Variants in TMSB15B observed in about 807,000 individuals in gnomAD.
The protein encoded by TMSB15B is thymosin beta-15B.
At chrX:103,950,616 A>G (rs782191802) in intron 1 of TMSB15B, among the ~76,000 whole-genome samples, 1 of 108,571 alleles carries the variant, frequency 9.2e-6, no homozygotes, top group Admixed American at 9.9e-5. Context: ...AGAGAAAAAT[A>G]TATATATATA....
At chrX:103,941,911 T>C (rs1242413415) in intron 1 of TMSB15B, among the ~76,000 whole-genome samples, 4 of 111,632 alleles carry the variant, frequency 3.6e-5, no homozygotes, top group Admixed American at 9.5e-5. Context: ...TGAACGTTAG[T>C]ATTTCCTCTT....
chrX:103,951,517 T>C (rs1556328287), intron 1 of TMSB15B, among the ~76,000 whole-genome samples: 1 of 112,068 alleles, frequency 8.9e-6, no homozygotes. Flanking sequence ...GTAGCATGAT[T>C]GCCCAGCAGC....
At chrX:103,941,961 G>T (rs1556325355) in intron 1 of TMSB15B, among the ~76,000 whole-genome samples, 1 of 111,723 alleles carries the variant, frequency 9.0e-6, no homozygotes, top group Non-Finnish European at 1.9e-5. Context: ...ATTTTTTCCT[G>T]TTGAGTTGTG....
intron 1 of TMSB15B, among the ~76,000 whole-genome samples, chrX:103,944,966 C>T (rs1314770743): frequency 9.0e-6 from 1 of 111,374 alleles, no homozygotes; most frequent in East Asian, 2.8e-4. Flanking sequence ...TTAGTAAAAA[C>T]GAGGTTTCAC....
chrX:103,924,747 T>C (rs2074963391), intron 1 of TMSB15B, among the ~76,000 whole-genome samples: 1 of 111,632 alleles, frequency 9.0e-6, no homozygotes, highest in Non-Finnish European at 1.9e-5. Flanking sequence ...TCACACAGGC[T>C]ACCCATGTGG....
intron 1 of TMSB15B, among the ~76,000 whole-genome samples, chrX:103,954,871 C>T (rs1237459351): frequency 8.9e-6 from 1 of 111,815 alleles, no homozygotes; most frequent in African/African-American, 3.3e-5. Flanking sequence ...GTGGTGAATG[C>T]CCACAGGGAG....
At chrX:103,933,437 T>C (rs1280246818) in intron 1 of TMSB15B, among the ~76,000 whole-genome samples, 1 of 111,288 alleles carries the variant, frequency 9.0e-6, no homozygotes, top group African/African-American at 3.3e-5. Flanking sequence ...CTATCACCCA[T>C]GTAATAACTA....
intron 1 of TMSB15B, among the ~76,000 whole-genome samples, chrX:103,933,566 G>A (rs1173251663): frequency 9.0e-6 from 1 of 111,276 alleles, no homozygotes; most frequent in Non-Finnish European, 1.9e-5. Flanking sequence ...TCATTTCTTT[G>A]CTTTTGTTTA....
intron 1 of TMSB15B, among the ~76,000 whole-genome samples, chrX:103,944,682 C>A (rs2075020818): frequency 8.9e-6 from 1 of 112,315 alleles, no homozygotes; most frequent in Admixed American, 9.4e-5. Flanking sequence ...AGGCGCAACT[C>A]AAACAGTACT....
chrX:103,937,010 G>A, intron 1 of TMSB15B, among the ~76,000 whole-genome samples: 1 of 112,252 alleles, frequency 8.9e-6, no homozygotes, highest in Non-Finnish European at 1.9e-5. Context: ...TGCATCCCAG[G>A]GATGAAGCTG....
At chrX:103,933,868 G>T (rs1602437505) in intron 1 of TMSB15B, among the ~76,000 whole-genome samples, 1 of 96,390 alleles carries the variant, frequency 1.0e-5, no homozygotes, top group Non-Finnish European at 2.1e-5. Flanking sequence ...TCGTTTTATT[G>T]ATGCATAATA....
At chrX:103,952,567 A>C (rs2075041548) in intron 1 of TMSB15B, among the ~76,000 whole-genome samples, 2 of 111,349 alleles carry the variant, frequency 1.8e-5, no homozygotes, top group Admixed American at 1.9e-4. Context: ...GCAAGGGTGC[A>C]TTGTGTTTTA....
intron 1 of TMSB15B, among the ~76,000 whole-genome samples, chrX:103,949,144 G>A (rs2075032919): frequency 9.0e-6 from 1 of 111,123 alleles, no homozygotes; most frequent in Non-Finnish European, 1.9e-5. Context: ...TTGTAGAATA[G>A]CAAGAAGGCC....
At chrX:103,924,215 G>T (rs2074961821) in intron 1 of TMSB15B, among the ~76,000 whole-genome samples, 1 of 111,256 alleles carries the variant, frequency 9.0e-6, no homozygotes, top group Admixed American at 9.5e-5. Context: ...GACAAATGTG[G>T]TCCTCATTCT....
At chrX:103,941,932 T>A (rs782558849) in intron 1 of TMSB15B, among the ~76,000 whole-genome samples, 1 of 108,591 alleles carries the variant, frequency 9.2e-6, no homozygotes, top group Non-Finnish European at 2.0e-5. Context: ...TTGTGAAGCA[T>A]TTATTCAAGA....
At chrX:103,936,358 G>A (rs1313358763) in intron 1 of TMSB15B, among the ~76,000 whole-genome samples, 1 of 111,417 alleles carries the variant, frequency 9.0e-6, no homozygotes, top group Non-Finnish European at 1.9e-5. Flanking sequence ...CCTTGAAGAG[G>A]TCCTTCACAT....
At chrX:103,924,708 C>T (rs1329558750) in intron 1 of TMSB15B, among the ~76,000 whole-genome samples, 1 of 111,553 alleles carries the variant, frequency 9.0e-6, no homozygotes, top group Non-Finnish European at 1.9e-5. Flanking sequence ...CAGACAAATG[C>T]ATTCATTTGT....
intron 1 of TMSB15B, among the ~76,000 whole-genome samples, chrX:103,943,533 G>A (rs1556326191): frequency 8.9e-6 from 1 of 112,018 alleles, no homozygotes; most frequent in Non-Finnish European, 1.9e-5. Context: ...TATACCTGAA[G>A]AACTGCCACA....
At chrX:103,938,193 A>G (rs1455568039) in intron 1 of TMSB15B, among the ~76,000 whole-genome samples, 1 of 111,427 alleles carries the variant, frequency 9.0e-6, no homozygotes, top group African/African-American at 3.3e-5. Flanking sequence ...TAGGTCCAGA[A>G]CTGAGTTCAA....
Sources: allele counts gnomAD v4.1 joint callset (sites outside exome capture counted in the v4.1 genomes callset), GRCh38; gene constraint gnomAD v4.1.1; transcripts MANE v1.5; gene names NCBI Gene and HGNC (gene_info 2026-07-23, HGNC 2026-07-21).